Variants in ZNF536 observed in about 807,000 individuals in gnomAD.
ZNF536 encodes the protein zinc finger protein 536.
ZNF536 carries 13 observed loss-of-function variants against 84.5 expected under a neutral mutation model. That is an observed-to-expected ratio of 0.15 (90% CI 0.10 to 0.24). ZNF536 has a LOEUF of 0.24. ZNF536 is among the 10% of genes least tolerant of loss of function. The probability of loss-of-function intolerance (pLI) is 1.00; values close to 1 mark genes in which losing one functional copy is unlikely to be tolerated. For missense variants in ZNF536, 1,536 were observed against 1,747.5 expected (o/e 0.88, Z 2.16); for synonymous variants, 811 against 742.5 (o/e 1.09, Z -1.50).
intron 2 of ZNF536, among the ~76,000 whole-genome samples, chr19:30,477,536 C>A (rs1382245189): frequency 6.6e-6 from 1 of 152,202 alleles, no homozygotes; most frequent in East Asian, 1.9e-4. Flanking sequence ...GCAGAAATTT[C>A]TGCTTTGTGG....
At chr19:30,308,622 T>C (rs905471707) in intron 2 of ZNF536, among the ~76,000 whole-genome samples, 3 of 152,140 alleles carry the variant, frequency 2.0e-5, no homozygotes, top group South Asian at 2.1e-4. Flanking sequence ...CTGTAGCCCA[T>C]AGACAGCTAC....
At chr19:30,473,752 C>A (rs1404444192) in intron 2 of ZNF536, among the ~76,000 whole-genome samples, 2 of 152,228 alleles carry the variant, frequency 1.3e-5, no homozygotes, top group Non-Finnish European at 2.9e-5. Context: ...TCCCGCCCAT[C>A]CTGTCTGGAA....
intron 1 of ZNF536, among the ~76,000 whole-genome samples, chr19:30,380,427 G>A (rs919656786): frequency 3.3e-4 from 51 of 152,258 alleles, no homozygotes; most frequent in Admixed American, 7.2e-4. Flanking sequence ...CCAGGCCCAC[G>A]AGCACCCCCG....
chr19:30,539,550 G>T (rs187322132), intron 3 of ZNF536, among the ~76,000 whole-genome samples: 36 of 152,298 alleles, frequency 2.4e-4, no homozygotes, highest in Non-Finnish European at 1.8e-4. Flanking sequence ...AAATACATCA[G>T]CAAACATCTA....
chr19:30,450,041 GAAAAA>G, intron 2 of ZNF536, among the ~76,000 whole-genome samples: 1 of 106,574 alleles, frequency 9.4e-6, no homozygotes, highest in South Asian at 2.6e-4. Flanking sequence ...AAAAGAAAAA[GAAAAA>G]AAATTTGAGT....
At chr19:30,292,827 T>C (rs2045885073) in intron 2 of ZNF536, among the ~76,000 whole-genome samples, 1 of 152,234 alleles carries the variant, frequency 6.6e-6, no homozygotes, top group South Asian at 2.1e-4. Context: ...TTATGTTGCA[T>C]GGCAAGATGA....
chr19:30,387,488 G>A (rs1006672260), intron 1 of ZNF536, among the ~76,000 whole-genome samples: 1 of 152,164 alleles, frequency 6.6e-6, no homozygotes, highest in African/African-American at 2.4e-5. Flanking sequence ...CTCTTTCCAA[G>A]CCATTTATTG....
intron 1 of ZNF536, among the ~76,000 whole-genome samples, chr19:30,583,510 G>A (rs1308752593): frequency 6.6e-6 from 1 of 152,192 alleles, no homozygotes; most frequent in Non-Finnish European, 1.5e-5. Context: ...TTTGGTGTGT[G>A]TGTATGTATG....
chr19:30,266,058 A>G (rs2025495325), intron 1 of ZNF536, among the ~76,000 whole-genome samples: 1 of 151,140 alleles, frequency 6.6e-6, no homozygotes, highest in Non-Finnish European at 1.5e-5. Flanking sequence ...GGCTGGCTAA[A>G]TATTTTTAGA....
At chr19:30,408,104 C>T (rs1241126299) in intron 1 of ZNF536, among the ~76,000 whole-genome samples, 1 of 152,136 alleles carries the variant, frequency 6.6e-6, no homozygotes, top group African/African-American at 2.4e-5. Context: ...GAAAGATGGG[C>T]TGTGTTTCTT....
chr19:30,234,458 G>T (rs1446609894), intron 1 of ZNF536, among the ~76,000 whole-genome samples: 2 of 135,776 alleles, frequency 1.5e-5, no homozygotes, highest in African/African-American at 5.6e-5. Flanking sequence ...CTGGAGTGCA[G>T]TGGTGCAATC....
chr19:30,648,062 C>T (rs542057696), intron 1 of ZNF536, among the ~76,000 whole-genome samples: 15 of 152,266 alleles, frequency 9.9e-5, no homozygotes, highest in East Asian at 9.7e-4. Context: ...TCCTATGGCT[C>T]GCTCCCCTTC....
At chr19:30,517,594 T>A (rs1303639422) in intron 2 of ZNF536, among the ~76,000 whole-genome samples, 1 of 152,130 alleles carries the variant, frequency 6.6e-6, no homozygotes. Flanking sequence ...ACTTATAGCC[T>A]GCGTGACATA....
intron 1 of ZNF536, among the ~76,000 whole-genome samples, chr19:30,650,593 C>T (rs2049664534): frequency 6.6e-6 from 1 of 151,910 alleles, no homozygotes; most frequent in African/African-American, 2.4e-5. Context: ...TTTTTCCTCC[C>T]ACATTGTAAA....
At chr19:30,636,307 G>C (rs2049062564) in intron 1 of ZNF536, among the ~76,000 whole-genome samples, 1 of 152,154 alleles carries the variant, frequency 6.6e-6, no homozygotes, top group African/African-American at 2.4e-5. Context: ...TCCAGGATGG[G>C]TGATCATCTC....
rs530127367 is a variant in ZNF536, at chr19:30,307,993, T to A, written c.-120+23852T>A. On this transcript the variant is annotated intron_variant, in intron 2 of 5. Coordinates refer to the ZNF536 transcript ENST00000585628. ...CATGGAGGTCTGAAGCTTTATTTTA[T>A]GATATTAAATCATTCTTTTCTGGAA... Among the ~76,000 whole-genome samples the A allele has an allele frequency of 3.9e-5, 6 of 152,282 alleles. No homozygotes were observed. The East Asian group carries it at 7.7e-4, about 19-fold the overall frequency.
chr19:30,530,640 C>A (rs935109139), intron 2 of ZNF536, among the ~76,000 whole-genome samples: 1 of 152,184 alleles, frequency 6.6e-6, no homozygotes, highest in Admixed American at 6.5e-5. Context: ...AGCCACCATG[C>A]CCAGCCAATA....
At chr19:30,671,487 G>A (rs976608574) in intron 1 of ZNF536, among the ~76,000 whole-genome samples, 17 of 152,148 alleles carry the variant, frequency 1.1e-4, no homozygotes, top group East Asian at 1.9e-4. Flanking sequence ...AGATGATGGC[G>A]GCTTCATCCA....
At chr19:30,474,635 T>C (rs962500842) in intron 2 of ZNF536, among the ~76,000 whole-genome samples, 1 of 152,254 alleles carries the variant, frequency 6.6e-6, no homozygotes. Flanking sequence ...TAAAGCAGTT[T>C]GGATTTTCTC....
Sources: gnomAD v4.1 joint callset for allele counts (sites outside exome capture counted in the v4.1 genomes callset) on GRCh38, gnomAD v4.1.1 for gene constraint, MANE v1.5 for transcripts, NCBI Gene and HGNC (gene_info 2026-07-23, HGNC 2026-07-21) for gene names.